Variants in CEP128 observed in about 807,000 individuals in gnomAD.
The protein encoded by CEP128 is centrosomal protein 128, also known as centrosomal protein 128kDa.
In CEP128, 132 loss-of-function variants were observed where a neutral mutation model predicts 156.7. That is an observed-to-expected ratio of 0.84 (90% CI 0.73 to 0.97). The LOEUF is 0.97. Among genes scored for constraint, CEP128 ranks in the 50% least tolerant of loss-of-function variants. The probability of loss-of-function intolerance (pLI) is 0.00; values close to 1 mark genes in which losing one functional copy is unlikely to be tolerated. For synonymous variants in CEP128, 469 were observed against 448.9 expected (o/e 1.04, Z -0.57); for missense variants, 1,252 against 1,281.9 (o/e 0.98, Z 0.36).
chr14:80,817,835 C>T lies in CEP128; in HGVS notation c.1209+13308G>A, dbSNP rs186577431. ...GGCGGAGGTTGCAGTGAGTGGAGAT[C>T]GCGCAACTACACTCCAGCCTGGTGA... On this transcript the variant is annotated intron_variant, in intron 13 of 24. Transcript: ENST00000555265. Among the ~76,000 whole-genome samples the T allele has an allele frequency of 2.9e-3, 436 of 150,426 alleles. 11 individuals are homozygous for T. In the Middle Eastern group the frequency reaches 0.044, roughly 15 times the overall value.
chr14:80,651,034 A>G (rs1894879694), intron 19 of CEP128, among the ~76,000 whole-genome samples: 1 of 152,170 alleles, frequency 6.6e-6, no homozygotes, highest in Admixed American at 6.6e-5. Context: ...TTCGGCTGTG[A>G]ATCCACCTGG....
At chr14:80,586,776 G>C (rs1891839296) in intron 19 of CEP128, among the ~76,000 whole-genome samples, 1 of 152,088 alleles carries the variant, frequency 6.6e-6, no homozygotes, top group Admixed American at 6.6e-5. Context: ...TCAATATACA[G>C]CACACAGAAG....
At chr14:80,790,324 A>G (rs1039234194) in intron 14 of CEP128, among the ~76,000 whole-genome samples, 5 of 152,194 alleles carry the variant, frequency 3.3e-5, no homozygotes, top group African/African-American at 1.2e-4. Flanking sequence ...AGAAAAGCAT[A>G]TACTATGATT....
intron 11 of CEP128, among the ~76,000 whole-genome samples, chr14:80,837,107 T>C (rs370575193): frequency 1.3e-5 from 2 of 152,330 alleles, no homozygotes; most frequent in African/African-American, 4.8e-5. Flanking sequence ...AGCGAATATT[T>C]TCAAAGGTTT....
chr14:80,838,122 TCC>T, intron 11 of CEP128, 80 bp downstream of exon 11: 1 of 970,974 alleles, frequency 1.0e-6, no homozygotes, highest in East Asian at 2.4e-5. Flanking sequence ...TTCTTTTTTT[TCC>T]TTTCACAAAG....
chr14:80,725,645 A>G (rs971390313), intron 19 of CEP128, among the ~76,000 whole-genome samples: 14 of 152,210 alleles, frequency 9.2e-5, no homozygotes, highest in Admixed American at 2.6e-4. Context: ...AAGAATTATA[A>G]TATGCTAGAA....
At chr14:80,940,466 A>G (rs1461416088) in intron 1 of CEP128, among the ~76,000 whole-genome samples, 3 of 152,230 alleles carry the variant, frequency 2.0e-5, no homozygotes, top group African/African-American at 4.8e-5. Flanking sequence ...TCAAACTGAC[A>G]TGTGCTATAC....
chr14:80,904,715 T>C, intron 6 of CEP128, 98 bp downstream of exon 6: 1 of 744,576 alleles, frequency 1.3e-6, no homozygotes, highest in Non-Finnish European at 2.4e-6. Flanking sequence ...ATCAAATTCT[T>C]GGTTAAAATA....
At chr14:80,894,616 T>C (rs1172362909) in intron 8 of CEP128, 1 of 478,406 alleles carries the variant, frequency 2.1e-6, no homozygotes, top group Non-Finnish European at 4.2e-6. Flanking sequence ...TGGAAAGACG[T>C]TGTCTACTTC....
At chr14:80,702,796 G>C (rs915813518) in intron 19 of CEP128, among the ~76,000 whole-genome samples, 7 of 152,112 alleles carry the variant, frequency 4.6e-5, no homozygotes, top group African/African-American at 1.4e-4. Context: ...TGCAGCAACT[G>C]CCTGCTTATT....
downstream of CEP128, among the ~76,000 whole-genome samples, chr14:80,491,874 AAC>A (rs1432595895): frequency 1.3e-5 from 2 of 152,176 alleles, no homozygotes; most frequent in Non-Finnish European, 2.9e-5. Flanking sequence ...CCTTCCAGTA[AAC>A]AGTTTAAAAT....
intron 19 of CEP128, among the ~76,000 whole-genome samples, chr14:80,690,244 TAAAAA>T (rs552661665): frequency 1.7e-5 from 2 of 116,462 alleles, no homozygotes; most frequent in Admixed American, 8.9e-5. Context: ...CTGTCTCTAT[TAAAAA>T]AAAAAAAAAA....
At chr14:80,623,439 C>T (rs1893575709) in intron 19 of CEP128, among the ~76,000 whole-genome samples, 1 of 151,302 alleles carries the variant, frequency 6.6e-6, no homozygotes, top group South Asian at 2.1e-4. Context: ...TGCACATGTA[C>T]CCTAATACTT....
At chr14:80,680,023 A>G (rs1211206117) in intron 19 of CEP128, among the ~76,000 whole-genome samples, 7 of 152,202 alleles carry the variant, frequency 4.6e-5, no homozygotes, top group African/African-American at 9.6e-5. Flanking sequence ...TCTGTGTGGC[A>G]GCGTAGTTGC....
chr14:80,888,063 C>A (rs780701675), intron 8 of CEP128, among the ~76,000 whole-genome samples: 8 of 152,124 alleles, frequency 5.3e-5, no homozygotes, highest in Non-Finnish European at 1.2e-4. Context: ...CAAACACCCT[C>A]CCAAGACTAA....
intron 19 of CEP128, among the ~76,000 whole-genome samples, chr14:80,602,410 C>T (rs1331060746): frequency 6.6e-6 from 1 of 152,184 alleles, no homozygotes; most frequent in Non-Finnish European, 1.5e-5. Flanking sequence ...CAGCAGAATA[C>T]ACATTCTCCC....
chr14:80,811,983 A>G (rs1884582106), intron 13 of CEP128, among the ~76,000 whole-genome samples: 1 of 152,154 alleles, frequency 6.6e-6, no homozygotes, highest in South Asian at 2.1e-4. Flanking sequence ...ACATGGGTAA[A>G]TTGCATGTCA....
At chr14:80,556,848 T>C (rs956071934) in intron 21 of CEP128, among the ~76,000 whole-genome samples, 5 of 152,184 alleles carry the variant, frequency 3.3e-5, no homozygotes, top group African/African-American at 9.6e-5. Context: ...GATCTTGAGA[T>C]AGCTTTCAGC....
chr14:80,581,497 G>A (rs1891591557), intron 19 of CEP128, among the ~76,000 whole-genome samples: 1 of 152,132 alleles, frequency 6.6e-6, no homozygotes, highest in Admixed American at 6.5e-5. Flanking sequence ...AAAATTTCAG[G>A]AGACCTGGCA....
Sources: gnomAD v4.1 joint callset for allele counts (sites outside exome capture counted in the v4.1 genomes callset) on GRCh38, gnomAD v4.1.1 for gene constraint, MANE v1.5 for transcripts, NCBI Gene and HGNC (gene_info 2026-07-23, HGNC 2026-07-21) for gene names.